Variants in PTK2 observed in about 807,000 individuals in gnomAD.
PTK2 encodes the protein protein tyrosine kinase 2, also known as focal adhesion kinase 1.
A neutral mutation model predicts 150.1 loss-of-function variants in PTK2; 45 were observed. The ratio of observed to expected loss-of-function variants is 0.30; its 90% CI spans 0.24 to 0.38. The LOEUF (loss-of-function observed/expected upper bound fraction) is 0.38, where lower values mean the gene tolerates loss of function less well. Ranked by LOEUF, PTK2 falls within the 10% of genes least tolerant of loss-of-function variation. The pLI is 1.00. For synonymous variants in PTK2, 432 were observed against 449.2 expected, an observed-to-expected ratio of 0.96 and a Z score of 0.48; for missense variants, 919 against 1,307.3, an observed-to-expected ratio of 0.70 and a Z score of 4.58.
At chr8:140,797,243 G>A (rs1234033022) in intron 12 of PTK2, among the ~76,000 whole-genome samples, 1 of 152,068 alleles carries the variant, frequency 6.6e-6, no homozygotes, top group East Asian at 1.9e-4. Context: ...TATATTCACT[G>A]GACATTTGTG....
intron 22 of PTK2, among the ~76,000 whole-genome samples, chr8:140,729,867 CCA>C (rs1025421363): frequency 1.3e-5 from 2 of 152,126 alleles, no homozygotes; most frequent in African/African-American, 4.8e-5. Context: ...AGGTGCCTAA[CCA>C]CACAGTTTCA....
chr8:140,730,035 A>C (rs907482022), intron 22 of PTK2, among the ~76,000 whole-genome samples: 3 of 152,230 alleles, frequency 2.0e-5, no homozygotes, highest in Non-Finnish European at 4.4e-5. Flanking sequence ...CAATGTTATA[A>C]CTAGAAGAGC....
chr8:140,968,874 C>T (rs1414727338), intron 1 of PTK2, among the ~76,000 whole-genome samples: 2 of 152,204 alleles, frequency 1.3e-5, no homozygotes, highest in African/African-American at 2.4e-5. Context: ...AGAAATAATT[C>T]GAGCAGCAAC....
chr8:140,988,642 T>TGGCGTGAACCCGGGAGGCGG (rs2100194310), intron 1 of PTK2, among the ~76,000 whole-genome samples: 1 of 141,300 alleles, frequency 7.1e-6, no homozygotes, highest in South Asian at 2.2e-4. Flanking sequence ...GGCAGGAGAA[T>TGGCGTGAACCCGGGAGGCGG]GGCGTGAACC....
intron 2 of PTK2, among the ~76,000 whole-genome samples, chr8:140,898,682 A>G (rs1159107637): frequency 6.6e-6 from 1 of 152,232 alleles, no homozygotes; most frequent in Non-Finnish European, 1.5e-5. Context: ...TGCAACGAAC[A>G]TAATAAACAC....
intron 7 of PTK2, among the ~76,000 whole-genome samples, chr8:140,835,935 A>G (rs889217945): frequency 1.3e-5 from 2 of 152,044 alleles, no homozygotes; most frequent in African/African-American, 4.8e-5. Context: ...ATGAGTGAGT[A>G]TGGGGTTGGG....
intron 23 of PTK2, among the ~76,000 whole-genome samples, chr8:140,714,867 T>C (rs1236891486): frequency 2.0e-5 from 3 of 147,474 alleles, no homozygotes; most frequent in Non-Finnish European, 4.5e-5. Context: ...AGCAGAATTA[T>C]GAAAACTCAC....
intron 22 of PTK2, among the ~76,000 whole-genome samples, chr8:140,729,008 C>G (rs2100047604): frequency 6.6e-6 from 1 of 151,936 alleles, no homozygotes; most frequent in Non-Finnish European, 1.5e-5. Context: ...CACAGATCAA[C>G]TGAAATAGTT....
rs77527947 is a variant in PTK2, at chr8:140,802,011, C to T, written c.976-1435G>A. On this transcript the variant is annotated intron_variant, in intron 11 of 31. Coordinates refer to ENST00000522684, the Ensembl canonical transcript of PTK2. ...ATACGATTATGTACAGCACATAATA[C>T]TGGATAATGACTATGTTACTGGTTT... Among the ~76,000 whole-genome samples the T allele has an allele frequency of 1.1e-3, 168 of 151,474 alleles. 3 individuals are homozygous for T. In the East Asian group the frequency reaches 0.029, roughly 26 times the overall value.
At chr8:140,815,573 T>TA (rs111864663) in intron 10 of PTK2, among the ~76,000 whole-genome samples, 2,873 of 151,644 alleles carry the variant, frequency 0.019, 77 homozygotes, top group African/African-American at 0.065. Flanking sequence ...AAAGTTTTTT[T>TA]AAAAAAAAAT....
At chr8:140,861,287 T>C (rs2100135938) in intron 5 of PTK2, among the ~76,000 whole-genome samples, 1 of 152,162 alleles carries the variant, frequency 6.6e-6, no homozygotes, top group South Asian at 2.1e-4. Flanking sequence ...AGTTCAAGGC[T>C]GCAGTGAGGT....
At chr8:140,984,079 TG>T in intron 1 of PTK2, 1 of 156,208 alleles carries the variant, frequency 6.4e-6, no homozygotes, top group Non-Finnish European at 1.4e-5. Context: ...TGCTTGAACC[TG>T]GGAGGCAGAG....
intron 10 of PTK2, among the ~76,000 whole-genome samples, chr8:140,814,587 G>A (rs1438018341): frequency 6.6e-6 from 1 of 152,006 alleles, no homozygotes; most frequent in African/African-American, 2.4e-5. Flanking sequence ...TGCAGAAAAG[G>A]CTTTCAATAA....
chr8:140,793,047 A>C (rs2100089439), intron 13 of PTK2, among the ~76,000 whole-genome samples: 1 of 152,256 alleles, frequency 6.6e-6, no homozygotes, highest in South Asian at 2.1e-4. Flanking sequence ...CCAGAATGCC[A>C]CATATTTTCA....
chr8:140,927,975 A>AATATATATATATATATATAT (rs1179717665), intron 1 of PTK2, among the ~76,000 whole-genome samples: 4 of 48,192 alleles, frequency 8.3e-5, no homozygotes, highest in African/African-American at 3.9e-4. Flanking sequence ...AAAAAAAAAA[A>AATATATATATATATATATAT]ATATATATAT....
exon 11 of PTK2, chr8:140,803,598 C>T: frequency 6.2e-7 from 1 of 1,614,102 alleles, no homozygotes; most frequent in Non-Finnish European, 8.5e-7. Flanking sequence ...CTTGTCTTCA[C>T]TGTTTGAATA....
At chr8:140,684,781 C>T (rs563706961) in intron 27 of PTK2, among the ~76,000 whole-genome samples, 8 of 151,938 alleles carry the variant, frequency 5.3e-5, no homozygotes, top group South Asian at 4.2e-4. Context: ...ATGGTCATAC[C>T]GCCCAAAGTA....
intron 14 of PTK2, 88 bp from the exon 17 acceptor site, chr8:140,764,378 C>T (rs779807934): frequency 1.0e-6 from 1 of 976,404 alleles, no homozygotes; most frequent in African/African-American, 1.6e-5. Context: ...AAGCGATCTG[C>T]TTAAATCCTC....
At chr8:140,895,497 G>A (rs1219988536) in intron 2 of PTK2, among the ~76,000 whole-genome samples, 3 of 149,422 alleles carry the variant, frequency 2.0e-5, no homozygotes, top group Non-Finnish European at 4.4e-5. Context: ...ACTCCAGCCT[G>A]AGCAACAGAG....
Sources: gnomAD v4.1 joint callset for allele counts (sites outside exome capture counted in the v4.1 genomes callset) on GRCh38, gnomAD v4.1.1 for gene constraint, MANE v1.5 for transcripts, NCBI Gene and HGNC (gene_info 2026-07-23, HGNC 2026-07-21) for gene names.